CDKN2C: variants seen among roughly 807,000 people sequenced by gnomAD.
CDKN2C encodes the protein cyclin-dependent kinase 4 inhibitor C.
In CDKN2C, 5 loss-of-function variants were observed where a neutral mutation model predicts 11.0. That is an observed-to-expected ratio of 0.45 (90% confidence interval 0.24 to 0.95). The LOEUF is 0.95. CDKN2C is among the 40% of genes least tolerant of loss of function. The pLI, the probability that CDKN2C is intolerant of heterozygous loss-of-function variation, is 0.21. For missense variants in CDKN2C, 161 were observed against 211.9 expected, an observed-to-expected ratio of 0.76 and a Z score of 1.49; for synonymous variants, 79 against 88.3, an observed-to-expected ratio of 0.89 and a Z score of 0.59.
intron 1 of CDKN2C, among the ~76,000 whole-genome samples, chr1:50,964,509 A>G (rs1645337832): frequency 6.6e-6 from 1 of 152,200 alleles, no homozygotes; most frequent in Non-Finnish European, 1.5e-5. Flanking sequence ...CTTCTTGCTC[A>G]TAATGTAATT....
At chr1:50,964,012 A>G (rs1469966333) in intron 1 of CDKN2C, among the ~76,000 whole-genome samples, 1 of 151,746 alleles carries the variant, frequency 6.6e-6, no homozygotes. Flanking sequence ...ATTTTACTAA[A>G]TTTTTATTTG....
intron 1 of CDKN2C, among the ~76,000 whole-genome samples, chr1:50,962,240 T>C (rs938505891): frequency 4.6e-5 from 7 of 152,258 alleles, no homozygotes; most frequent in African/African-American, 1.7e-4. Context: ...AAAAATTAGC[T>C]GGGCATGGTG....
chr1:50,967,292 C>T (rs1645351283), upstream of CDKN2C, among the ~76,000 whole-genome samples: 1 of 152,158 alleles, frequency 6.6e-6, no homozygotes, highest in South Asian at 2.1e-4. Context: ...CTATTTGAAA[C>T]GTCTACATAT....
upstream of CDKN2C, among the ~76,000 whole-genome samples, chr1:50,966,738 T>TAAAAAAAA (rs34594257): frequency 7.1e-6 from 1 of 141,672 alleles, no homozygotes; most frequent in Non-Finnish European, 1.5e-5. Flanking sequence ...ACCAGAATGT[T>TAAAAAAAA]AAAAAAAAAA....
intron 1 of CDKN2C, among the ~76,000 whole-genome samples, chr1:50,965,057 T>TATAGATAGATAGATAGATAG (rs71578051): frequency 1.6e-4 from 23 of 147,324 alleles, no homozygotes; most frequent in Admixed American, 4.1e-4. Flanking sequence ...GTCTCAAAAA[T>TATAGATAGATAGATAGATAG]ATAGATAGAT....
chr1:50,964,217 G>T (rs528613391), intron 1 of CDKN2C, among the ~76,000 whole-genome samples: 9 of 152,142 alleles, frequency 5.9e-5, no homozygotes, highest in African/African-American at 1.7e-4. Flanking sequence ...CTTGTTCCAT[G>T]GTCCAATAAT....
At position 50,974,600 on chromosome 1, in the gene CDKN2C, TG is replaced by T. The variant is rs1164636257; in HGVS notation, c.*331del. The T allele has an allele frequency of 2.1e-5, 6 of 281,660 alleles. No individual in the cohort carries two copies. Among genetic ancestry groups the T allele is most frequent in the Non-Finnish European group, 4.0e-5 (6 of 149,432 alleles). 17.4% of individuals were successfully genotyped at this position (281,660 alleles called of 1,614,324 possible). A position where few individuals can be genotyped will look rare whatever the true frequency, so the allele number is the denominator to read the frequency against. On this transcript the variant is annotated 3_prime_UTR_variant, in exon 2 of 2. Coordinates refer to ENST00000371761, the MANE Select transcript of CDKN2C (RefSeq NM_078626.3). ...TTGTTTTTAAAATGGTTTGTCCTGA[TG>T]CTTTTGTCTAATTAAAACACTTTCA... is the stretch of plus-strand genomic sequence containing the variant.
rs770383963 is a variant in CDKN2C, at chr1:50,971,386, G to GA, written c.129+890dup. On this transcript the variant is annotated intron_variant, in intron 1 of 1. Coordinates refer to ENST00000371761, the MANE Select transcript of CDKN2C (RefSeq NM_078626.3). ...AAGCTGTTTTTGAAAACCCAGTGGG[G>GA]AGAGGGTTTTTAGAGGGCTTTGTTT... 3.9e-5 allele frequency among the ~76,000 whole-genome samples: 6 copies of GA among 152,308 alleles called. No homozygotes were observed. The East Asian group carries it at 7.7e-4, about 20-fold the overall frequency.
upstream of CDKN2C, among the ~76,000 whole-genome samples, chr1:50,966,678 C>T (rs1364387366): frequency 6.6e-6 from 1 of 151,362 alleles, no homozygotes; most frequent in Non-Finnish European, 1.5e-5. Context: ...ACTGCCAATT[C>T]TGGTTTACCC....
intron 1 of CDKN2C, among the ~76,000 whole-genome samples, chr1:50,971,196 G>A (rs1645377953): frequency 6.6e-6 from 1 of 152,212 alleles, no homozygotes; most frequent in South Asian, 2.1e-4. Flanking sequence ...ATGTCCAGCT[G>A]CCAAGTATTG....
At chr1:50,970,043 TC>T (rs1223109031), upstream of CDKN2C, 1 of 449,820 alleles carries the variant, frequency 2.2e-6, no homozygotes, top group African/African-American at 1.9e-5. Context: ...ACATCTGACG[TC>T]CGGAGTCATT....
chr1:50,966,570 C>T (rs1330234068), upstream of CDKN2C, among the ~76,000 whole-genome samples: 1 of 152,106 alleles, frequency 6.6e-6, no homozygotes, highest in African/African-American at 2.4e-5. Flanking sequence ...ACCCTTGAAT[C>T]TGCTGTAGTG....
upstream of CDKN2C, among the ~76,000 whole-genome samples, chr1:50,965,596 C>A (rs1212071614): frequency 6.6e-6 from 1 of 151,894 alleles, no homozygotes; most frequent in Non-Finnish European, 1.5e-5. Context: ...GTGGTCCCAG[C>A]GACTCCAGAG....
chr1:50,964,946 C>T (rs754457110), intron 1 of CDKN2C, among the ~76,000 whole-genome samples: 3 of 151,794 alleles, frequency 2.0e-5, no homozygotes, highest in East Asian at 1.9e-4. Context: ...CCCAGGTACT[C>T]GGGGGCTGAG....
chr1:50,962,133 C>T (rs1420559764), intron 1 of CDKN2C, among the ~76,000 whole-genome samples: 1 of 152,244 alleles, frequency 6.6e-6, no homozygotes, highest in Non-Finnish European at 1.5e-5. Flanking sequence ...ATAATCCCAA[C>T]ACTTTGGGAG....
intron 1 of CDKN2C, among the ~76,000 whole-genome samples, chr1:50,971,139 G>T (rs927412390): frequency 2.6e-5 from 4 of 152,184 alleles, no homozygotes; most frequent in Non-Finnish European, 5.9e-5. Flanking sequence ...TCATGCCGTG[G>T]TGTGCTCTAA....
upstream of CDKN2C, among the ~76,000 whole-genome samples, chr1:50,965,554 G>C (rs556210759): frequency 2.6e-5 from 4 of 151,698 alleles, no homozygotes; most frequent in African/African-American, 9.7e-5. Flanking sequence ...CACAAAATTA[G>C]AAAAATTATC....
At chr1:50,973,013 T>A (rs1645388645) in intron 1 of CDKN2C, among the ~76,000 whole-genome samples, 1 of 152,152 alleles carries the variant, frequency 6.6e-6, no homozygotes, top group Non-Finnish European at 1.5e-5. Context: ...TGAGAAACAG[T>A]ATATAATGTA....
chr1:50,966,738 T>TA (rs34594257), upstream of CDKN2C, among the ~76,000 whole-genome samples: 2,632 of 141,662 alleles, frequency 0.019, 24 homozygotes, highest in East Asian at 0.028. Context: ...ACCAGAATGT[T>TA]AAAAAAAAAA....
Sources: gnomAD v4.1 joint callset for allele counts (sites outside exome capture counted in the v4.1 genomes callset) on GRCh38, gnomAD v4.1.1 for gene constraint, MANE v1.5 for transcripts, NCBI Gene and HGNC (gene_info 2026-07-23, HGNC 2026-07-21) for gene names.